Variants in CHRM3 observed in about 807,000 individuals in gnomAD.
CHRM3 encodes muscarinic acetylcholine receptor M3.
Under a neutral mutation model 41.8 loss-of-function variants are expected in CHRM3, and 11 were observed. The observed-to-expected ratio is 0.26, with a 90% CI of 0.17 to 0.44. The LOEUF (loss-of-function observed/expected upper bound fraction) is 0.44, where lower values mean the gene tolerates loss of function less well. Ranked by LOEUF, CHRM3 falls within the 20% of genes least tolerant of loss-of-function variation. The pLI is 1.00. For synonymous variants in CHRM3, 297 were observed against 301.4 expected (o/e 0.99, Z 0.15); for missense variants, 571 against 745.4 (o/e 0.77, Z 2.72).
intron 5 of CHRM3, among the ~76,000 whole-genome samples, chr1:239,720,750 A>C (rs950265589): frequency 1.3e-5 from 2 of 151,962 alleles, no homozygotes; most frequent in Non-Finnish European, 2.9e-5. Flanking sequence ...GCTGTAATTC[A>C]TGTTGGAAAT....
At chr1:239,454,465 C>CT (rs909644211) in intron 1 of CHRM3, among the ~76,000 whole-genome samples, 23 of 148,338 alleles carry the variant, frequency 1.6e-4, no homozygotes, top group South Asian at 2.2e-4. Flanking sequence ...GAGCCCTGTC[C>CT]TTTTTTTTTT....
In CHRM3 at chr1:239,448,828, A is replaced by G. The variant is rs532901124; in HGVS notation, c.-520-43881A>G. ...TTTCAATCTTAAAATCAGGTGCAGC[A>G]TGAAAACAGAGACTAGACAATGAGC... On this transcript the variant is annotated intron_variant, in intron 1 of 6. Coordinates refer to ENST00000676153, the MANE Select transcript of CHRM3 (RefSeq NM_001375978.1). 8.9e-4 allele frequency among the ~76,000 whole-genome samples: 135 copies of G among 152,302 alleles called. 1 individual carries two copies. The highest frequency in any genetic ancestry group is 3.2e-3 in the African/African-American group (133 of 41,578).
chr1:239,506,348 G>T (rs1259104919), intron 2 of CHRM3, among the ~76,000 whole-genome samples: 1 of 152,140 alleles, frequency 6.6e-6, no homozygotes, highest in Non-Finnish European at 1.5e-5. Flanking sequence ...CTAGGGACTT[G>T]GTATCCTGTG....
At chr1:239,446,946 T>C (rs779614022) in intron 1 of CHRM3, among the ~76,000 whole-genome samples, 12 of 152,214 alleles carry the variant, frequency 7.9e-5, no homozygotes, top group Non-Finnish European at 1.8e-4. Flanking sequence ...CCAAAAACTA[T>C]GTATTTAAAA....
At chr1:239,881,261 C>T (rs369236212) in intron 6 of CHRM3, among the ~76,000 whole-genome samples, 11 of 100,692 alleles carry the variant, frequency 1.1e-4, no homozygotes, top group South Asian at 4.0e-4. Flanking sequence ...CCAGCCTGGG[C>T]GACAGAGTGA....
chr1:239,487,650 G>A (rs1472556847), intron 1 of CHRM3, among the ~76,000 whole-genome samples: 1 of 152,008 alleles, frequency 6.6e-6, no homozygotes, highest in African/African-American at 2.4e-5. Context: ...TGACTACATT[G>A]CAATTCCAAT....
intron 5 of CHRM3, among the ~76,000 whole-genome samples, chr1:239,793,558 G>A (rs558575416): frequency 2.6e-5 from 4 of 152,344 alleles, no homozygotes; most frequent in Non-Finnish European, 2.9e-5. Context: ...TGCTCAGGCA[G>A]AGAAGAATTA....
chr1:239,696,891 G>C (rs1660245631), intron 5 of CHRM3, among the ~76,000 whole-genome samples: 1 of 152,108 alleles, frequency 6.6e-6, no homozygotes, highest in Admixed American at 6.6e-5. Flanking sequence ...TATGACCACT[G>C]TAAGGGAAAA....
At chr1:239,789,831 T>G (rs1330249886) in intron 5 of CHRM3, among the ~76,000 whole-genome samples, 2 of 152,202 alleles carry the variant, frequency 1.3e-5, no homozygotes, top group Non-Finnish European at 2.9e-5. Context: ...GCAACCGCTT[T>G]CCCAGCCACA....
At chr1:239,633,077 A>G (rs6672919) in intron 4 of CHRM3, among the ~76,000 whole-genome samples, 3,453 of 152,276 alleles carry the variant, frequency 0.023, 145 homozygotes, top group African/African-American at 0.079. Context: ...GGTTCACACC[A>G]TTCTCCTGCC....
intron 3 of CHRM3, among the ~76,000 whole-genome samples, chr1:239,590,544 TA>T (rs1664013722): frequency 6.6e-6 from 1 of 152,188 alleles, no homozygotes. Flanking sequence ...TATAATTTTT[TA>T]AAAAGTCTTT....
At chr1:239,575,058 A>T (rs1662204975) in intron 3 of CHRM3, among the ~76,000 whole-genome samples, 1 of 152,226 alleles carries the variant, frequency 6.6e-6, no homozygotes, top group African/African-American at 2.4e-5. Context: ...ATTCTGATGT[A>T]AAAATAAATA....
chr1:239,743,086 T>C (rs1665004719), intron 5 of CHRM3, among the ~76,000 whole-genome samples: 1 of 152,208 alleles, frequency 6.6e-6, no homozygotes, highest in Non-Finnish European at 1.5e-5. Flanking sequence ...AGAAGTCTTC[T>C]ATTTAAATAT....
intron 1 of CHRM3, among the ~76,000 whole-genome samples, chr1:239,398,131 T>A (rs1188922915): frequency 6.6e-6 from 1 of 152,174 alleles, no homozygotes; most frequent in Admixed American, 6.5e-5. Context: ...GGAGACTGTA[T>A]CTTATGAAGA....
intron 5 of CHRM3, among the ~76,000 whole-genome samples, chr1:239,717,006 C>T (rs1009770401): frequency 4.0e-5 from 6 of 151,436 alleles, no homozygotes; most frequent in Non-Finnish European, 7.4e-5. Flanking sequence ...ATTGAAATGT[C>T]CTCAATGCCA....
intron 2 of CHRM3, among the ~76,000 whole-genome samples, chr1:239,537,605 G>C (rs1206396080): frequency 1.3e-5 from 2 of 152,032 alleles, no homozygotes; most frequent in Non-Finnish European, 2.9e-5. Flanking sequence ...CTACCAGTAA[G>C]GTTCAGAATT....
intron 1 of CHRM3, among the ~76,000 whole-genome samples, chr1:239,430,894 C>G (rs1427716310): frequency 1.3e-5 from 2 of 151,798 alleles, no homozygotes; most frequent in Non-Finnish European, 2.9e-5. Context: ...AGAACAATGT[C>G]TAAGGAAATC....
At chr1:239,576,397 G>C (rs1255154633) in intron 3 of CHRM3, among the ~76,000 whole-genome samples, 1 of 152,036 alleles carries the variant, frequency 6.6e-6, no homozygotes, top group Non-Finnish European at 1.5e-5. Flanking sequence ...CTGAAAATTG[G>C]GAATGAGAGT....
intron 1 of CHRM3, chr1:239,408,116 G>T (rs936766569): frequency 1.4e-4 from 21 of 152,260 alleles, no homozygotes; most frequent in African/African-American, 5.1e-4. Context: ...CCTCCATGCT[G>T]TTCTCGTAAT....
Sources: gnomAD v4.1 joint callset for allele counts (sites outside exome capture counted in the v4.1 genomes callset) on GRCh38, gnomAD v4.1.1 for gene constraint, MANE v1.5 for transcripts, NCBI Gene and HGNC (gene_info 2026-07-23, HGNC 2026-07-21) for gene names.